The following CELSR1 variants were observed in gnomAD, a reference collection of about 807,000 sequenced individuals.
The protein encoded by CELSR1 is cadherin EGF LAG seven-pass G-type receptor 1.
Under a neutral mutation model 249.1 loss-of-function variants are expected in CELSR1, and 110 were observed. That is an observed-to-expected ratio of 0.44 (90% CI 0.38 to 0.52). The LOEUF (loss-of-function observed/expected upper bound fraction) is 0.52, where lower values mean the gene tolerates loss of function less well. CELSR1 is among the 20% of genes least tolerant of loss of function. The pLI is 0.00. For synonymous variants in CELSR1, 2,113 were observed against 1,900.0 expected (o/e 1.11, Z -2.92); for missense variants, 4,109 against 4,296.4 (o/e 0.96, Z 1.22).
Position 46,395,821 on chromosome 22 carries a change from C to T in CELSR1, c.5843+784G>A, listed in dbSNP as rs2079141576. 6.6e-6 allele frequency among the ~76,000 whole-genome samples: 1 copy of T among 152,168 alleles called. No individual in the cohort carries two copies. The highest frequency in any genetic ancestry group is 1.5e-5 in the Non-Finnish European group (1 of 68,026). ...AGCAGCTCCACCTTGGACAAAGTGA[C>T]GCTTGTGATGACTACGCACCTGTAC... On this transcript the variant is annotated intron_variant, in intron 13 of 34. Coordinates refer to ENST00000674500, the MANE Select transcript of CELSR1 (RefSeq NM_001378328.1). This position sits in a 1 kb window ranked among gnomAD's most constrained non-coding sequence, Gnocchi z 5.5.
intron 2 of CELSR1, among the ~76,000 whole-genome samples, chr22:46,443,093 G>A (rs1023829302): frequency 1.3e-5 from 2 of 150,262 alleles, no homozygotes; most frequent in African/African-American, 2.5e-5. Flanking sequence ...GCGAGACTCC[G>A]TCTCTTAAGA....
intron 33 of CELSR1, 90 bp from the exon 34 acceptor site, chr22:46,364,341 CT>C (rs1436059507): frequency 1.8e-5 from 28 of 1,549,670 alleles, no homozygotes; most frequent in Admixed American, 6.0e-5. Flanking sequence ...GCCTCAGCCC[CT>C]GTCCTTCCTC....
rs45604542 is a variant in CELSR1, at chr22:46,398,578, T to C, written c.5472A>G (p.Gly1824=). Residue 1824 remains glycine, a synonymous_variant, in exon 11 of 35, where the codon GGA becomes GGG. Transcript: ENST00000674500. The surrounding 1 kb of genome is among the most constrained non-coding windows in gnomAD (Gnocchi z 7.2). ...CGGAGACCTTGTCTTCAGAGGCGCC[T>C]CCGACCACCACGCTCCTTACCGTCA... ...PGLTVRSVVV[G]GASEDKVSVR... 0.048 allele frequency: 78,183 copies of C among 1,613,168 alleles called. 2,131 individuals are homozygous for C. Among genetic ancestry groups the C allele is most frequent in the Non-Finnish European group, 0.057 (66,862 of 1,179,662 alleles).
chr22:46,536,574 C>G lies in CELSR1; in HGVS notation c.597G>C (p.Ala199=). 1.6e-6 allele frequency: 2 copies of G among 1,282,598 alleles called. No homozygotes were observed. Among genetic ancestry groups the G allele is most frequent in the Non-Finnish European group, 2.0e-6 (2 of 1,020,216 alleles). 79.5% of individuals were successfully genotyped at this position (1,282,598 alleles called of 1,614,324 possible). Residue 199 remains alanine, a synonymous_variant, in exon 1 of 35, where the codon GCG becomes GCC. Coordinates refer to ENST00000674500, the MANE Select transcript of CELSR1 (RefSeq NM_001378328.1). ...GCGTCCCCGCGGTGGCGGCCTCCAG[C>G]GCCAGTCCCACCCGGACGGCGCCAG... ...RAAGAVRVGL[A]LEAATAGTPS...
At chr22:46,418,434 G>A (rs533864658) in intron 5 of CELSR1, among the ~76,000 whole-genome samples, 6 of 152,182 alleles carry the variant, frequency 3.9e-5, no homozygotes, top group African/African-American at 7.2e-5. Flanking sequence ...GCAGTGGGCC[G>A]AGATTGTACA....
rs192985361 is a variant in CELSR1 at position 46,423,907 on chromosome 22, C to T, written c.4611+9486G>A. On this transcript the variant is annotated intron_variant, in intron 5 of 34. Coordinates refer to ENST00000674500, the MANE Select transcript of CELSR1 (RefSeq NM_001378328.1). This position sits in a 1 kb window ranked among gnomAD's most constrained non-coding sequence, Gnocchi z 5.6. Reference sequence around the variant, plus strand: ...AGGAGAATGGCTTGAACTCAGGAGGCGGAGGTTGCAGTGAGCCGAGATTGT... The same window carrying T: ...AGGAGAATGGCTTGAACTCAGGAGGTGGAGGTTGCAGTGAGCCGAGATTGT... 5.3e-4 allele frequency among the ~76,000 whole-genome samples: 81 copies of T among 151,984 alleles called. No individual in the cohort carries two copies. Among genetic ancestry groups the T allele is most frequent in the Admixed American group, 2.9e-3 (45 of 15,270 alleles).
At position 46,376,517 on chromosome 22, in the gene CELSR1, G is replaced by A. The variant is rs576668728; in HGVS notation, c.7584+544C>T. ...AGCCTCCTGAGTAGCTGGGATTACAGGTGCCCGGCACCACGCCCAGCTAAT... is the reference window on the plus strand; with the variant it reads ...AGCCTCCTGAGTAGCTGGGATTACAAGTGCCCGGCACCACGCCCAGCTAAT... On this transcript the variant is annotated intron_variant, in intron 24 of 34. Coordinates refer to ENST00000674500, the MANE Select transcript of CELSR1 (RefSeq NM_001378328.1). Among the ~76,000 whole-genome samples the A allele has an allele frequency of 3.7e-4, 56 of 152,258 alleles. 1 individual carries two copies. The South Asian group carries it at 0.012, about 32-fold the overall frequency.
At chr22:46,499,728 G>C (rs764709384) in intron 1 of CELSR1, among the ~76,000 whole-genome samples, 9 of 152,076 alleles carry the variant, frequency 5.9e-5, no homozygotes, top group African/African-American at 2.2e-4. Context: ...AGCTTCCCGC[G>C]TGCTCCTGGT....
chr22:46,362,943 G>A lies in CELSR1; in HGVS notation c.*280C>T, dbSNP rs1025987907. On this transcript the variant is annotated 3_prime_UTR_variant, in exon 35 of 35. Coordinates refer to ENST00000674500, the MANE Select transcript of CELSR1 (RefSeq NM_001378328.1). ...GACTGCAGTCTTAGGACTCAGCGGT[G>A]CTGGCCCAGTGGTCCACGCCTCCCT... 1.7e-6 allele frequency: 1 copy of A among 586,280 alleles called. No individual in the cohort carries two copies. The highest frequency in any genetic ancestry group is 2.9e-5 in the East Asian group (1 of 34,886). The allele number at this position is 586,280 out of a possible 1,614,324, so 36.3% of individuals were successfully genotyped here. A position where few individuals can be genotyped will look rare whatever the true frequency, so the allele number is the denominator to read the frequency against.
In CELSR1 at chr22:46,389,405, G is replaced by T. The variant is rs368292734; in HGVS notation, c.6440C>A (p.Thr2147Lys). 1.4e-5 allele frequency: 23 copies of T among 1,612,324 alleles called. No individual in the cohort carries two copies. In the African/African-American group the frequency reaches 2.9e-4, roughly 21 times the overall value. ...CGTGCGCACGTCATTGCCAAAGAGC[G>T]TGCCCGTGTGCTGTGTAGCACTGCG... ...ALRSATQHTG[T>K]LFGNDVRTAY... Residue 2147 changes from threonine (T) to lysine (K), a missense_variant, in exon 18 of 35, where the codon ACG becomes AAG. Thr to Lys is a moderately conservative substitution (Grantham distance 78, BLOSUM62 -1). This residue lies in a region of CELSR1 where 1,805 missense variants were observed against 1,831.6 expected (regional missense o/e 0.99). Transcript: ENST00000674500.
At chr22:46,458,962 G>A (rs188178656) in intron 2 of CELSR1, among the ~76,000 whole-genome samples, 4 of 152,026 alleles carry the variant, frequency 2.6e-5, no homozygotes, top group East Asian at 1.9e-4. Flanking sequence ...GCATGATCTC[G>A]GGTCACTGCA....
intron 19 of CELSR1, among the ~76,000 whole-genome samples, chr22:46,385,052 A>G (rs2079018091): frequency 1.3e-5 from 2 of 152,040 alleles, no homozygotes; most frequent in Non-Finnish European, 2.9e-5. Flanking sequence ...CCGGCTTTCC[A>G]AAGTGCTGGG....
intron 14 of CELSR1, among the ~76,000 whole-genome samples, 185 bp from the exon 15 acceptor site, chr22:46,392,001 C>T (rs1373997419): frequency 6.6e-6 from 1 of 152,246 alleles, no homozygotes; most frequent in African/African-American, 2.4e-5. Flanking sequence ...CCCAAGGCCC[C>T]ACAAGGCCGG....
Position 46,398,501 on chromosome 22 carries a change from CG to C in CELSR1, c.5526+22del. Reference sequence around the variant, plus strand: ...TGCCTGTGAGGGGCAGGCCTCCCCCCGCCCCCCACAACCCCCACGCACCTGC... The same window carrying C: ...TGCCTGTGAGGGGCAGGCCTCCCCCCCCCCCCACAACCCCCACGCACCTGC... On this transcript the variant is annotated intron_variant, in intron 11 of 34. Coordinates refer to ENST00000674500, the MANE Select transcript of CELSR1 (RefSeq NM_001378328.1). The surrounding 1 kb of genome is among the most constrained non-coding windows in gnomAD (Gnocchi z 7.2). The C allele has an allele frequency of 3.4e-5, 53 of 1,540,176 alleles. No homozygotes were observed. Among genetic ancestry groups the C allele is most frequent in the African/African-American group, 5.5e-5 (4 of 73,044 alleles).
At position 46,408,867 on chromosome 22, in the gene CELSR1, C is replaced by T. The variant is rs965386202; in HGVS notation, c.5226+129G>A. The T allele has an allele frequency of 2.8e-6, 2 of 714,324 alleles. No homozygotes were observed. The highest frequency in any genetic ancestry group is 4.5e-6 in the Non-Finnish European group (2 of 446,188). The allele number at this position is 714,324 out of a possible 1,614,324, so 44.2% of individuals were successfully genotyped here. A position where few individuals can be genotyped will look rare whatever the true frequency, so the allele number is the denominator to read the frequency against. ...ATTCCCCTTCCCCCTCTTCGGAGAACCCCAGGGGCGGGCGCCGGAGGAAGG... is the reference window on the plus strand; with the variant it reads ...ATTCCCCTTCCCCCTCTTCGGAGAATCCCAGGGGCGGGCGCCGGAGGAAGG... On this transcript the variant is annotated intron_variant, in intron 9 of 34. Coordinates refer to ENST00000674500, the MANE Select transcript of CELSR1 (RefSeq NM_001378328.1). The surrounding 1 kb of genome is among the most constrained non-coding windows in gnomAD (Gnocchi z 4.6).
chr22:46,461,960 G>A (rs1021775035), intron 2 of CELSR1, among the ~76,000 whole-genome samples: 3 of 152,232 alleles, frequency 2.0e-5, no homozygotes, highest in Admixed American at 6.5e-5. Context: ...GGGAGGAAGG[G>A]GACCTGGGGA....
In CELSR1 at chr22:46,417,598, T is replaced by C. The variant is rs1264938183; in HGVS notation, c.4612-5839A>G. On this transcript the variant is annotated intron_variant, in intron 5 of 34. Coordinates refer to ENST00000674500, the MANE Select transcript of CELSR1 (RefSeq NM_001378328.1). This position sits in a 1 kb window ranked among gnomAD's most constrained non-coding sequence, Gnocchi z 4.1. ...CCGGGTGGGGAGGGCAGCTCCACAC[T>C]ATCCCAGGTTGTAAGGGGAACTCAA... Among the ~76,000 whole-genome samples the C allele has an allele frequency of 6.6e-6, 1 of 152,188 alleles. No homozygotes were observed.
rs558640312 is a variant in CELSR1, at chr22:46,374,456, G to A, written c.7585-1399C>T. 2.0e-5 allele frequency among the ~76,000 whole-genome samples: 3 copies of A among 152,298 alleles called. No homozygotes were observed. Among genetic ancestry groups the A allele is most frequent in the Admixed American group, 2.0e-4 (3 of 15,292 alleles). On this transcript the variant is annotated intron_variant, in intron 24 of 34. Coordinates refer to ENST00000674500, the MANE Select transcript of CELSR1 (RefSeq NM_001378328.1). The surrounding 1 kb of genome is among the most constrained non-coding windows in gnomAD (Gnocchi z 4.3). ...ATTTCAGCCTGCCAGCGCTCTGAGA[G>A]ATGAAAAACCTCGCCCAGAGATAGG...
chr22:46,456,533 G>A (rs149971930), intron 2 of CELSR1, among the ~76,000 whole-genome samples: 3 of 151,680 alleles, frequency 2.0e-5, no homozygotes, highest in African/African-American at 2.4e-5. Context: ...CGTGGTGGTG[G>A]GCACCTGTAG....
Sources: allele counts gnomAD v4.1 joint callset (sites outside exome capture counted in the v4.1 genomes callset), GRCh38; gene constraint gnomAD v4.1.1; regional missense constraint gnomAD v4.1.1; non-coding constraint Gnocchi (gnomAD v3.1); transcripts MANE v1.5; gene names NCBI Gene and HGNC (gene_info 2026-07-23, HGNC 2026-07-21).